Variants in CPLANE1 observed in about 807,000 individuals in gnomAD.
The protein encoded by CPLANE1 is ciliogenesis and planar polarity effector complex subunit 1.
In CPLANE1, 263 loss-of-function variants were observed where a neutral mutation model predicts 362.5. That is an observed-to-expected ratio of 0.73 (90% CI 0.66 to 0.80). The LOEUF is 0.80. CPLANE1 is among the 30% of genes least tolerant of loss of function. The probability of loss-of-function intolerance (pLI) is 0.00; values close to 1 mark genes in which losing one functional copy is unlikely to be tolerated. For missense variants in CPLANE1, 3,461 were observed against 3,793.4 expected, an observed-to-expected ratio of 0.91 and a Z score of 2.30; for synonymous variants, 1,212 against 1,302.6, an observed-to-expected ratio of 0.93 and a Z score of 1.50.
Position 37,125,306 on chromosome 5 carries a change from A to G in CPLANE1, c.8896T>C (p.Leu2966=), listed in dbSNP as rs1016242132. Residue 2966 remains leucine (L), a synonymous_variant, in exon 47 of 53, where the codon TTA becomes CTA. Transcript: ENST00000651892. Reference sequence around the variant, plus strand: ...CCTCTCTTTTCTGCCAGCTCATTTAAGTACTTTGCCATTCTTTCTTTTCGT... The same window carrying G: ...CCTCTCTTTTCTGCCAGCTCATTTAGGTACTTTGCCATTCTTTCTTTTCGT... ...RKRKERMAKY[L]NELAEKRGQE... 6.2e-7 allele frequency: 1 copy of G among 1,614,022 alleles called. No individual in the cohort carries two copies.
chr5:37,144,726 C>G (rs990598114), intron 43 of CPLANE1, among the ~76,000 whole-genome samples: 31 of 151,600 alleles, frequency 2.0e-4, no homozygotes, highest in African/African-American at 7.3e-4. Context: ...TGGCGGGCAC[C>G]TGTAGTCCCA....
At chr5:37,126,056 G>T (rs1048359422) in intron 46 of CPLANE1, among the ~76,000 whole-genome samples, 1 of 152,052 alleles carries the variant, frequency 6.6e-6, no homozygotes, top group Non-Finnish European at 1.5e-5. Flanking sequence ...TGGGCAAGAT[G>T]ATGAGATGTC....
chr5:37,144,210 C>T (rs993102788), intron 43 of CPLANE1, among the ~76,000 whole-genome samples: 20 of 150,228 alleles, frequency 1.3e-4, no homozygotes, highest in African/African-American at 5.0e-4. Context: ...GAGATTGAGA[C>T]CATCCTGGTT....
intron 6 of CPLANE1, among the ~76,000 whole-genome samples, chr5:37,240,920 T>C (rs1372789827): frequency 3.3e-5 from 5 of 152,094 alleles, no homozygotes; most frequent in Non-Finnish European, 7.4e-5. Context: ...ATTTAAAAAG[T>C]AGGTCAGGAG....
downstream of CPLANE1, among the ~76,000 whole-genome samples, chr5:37,104,276 G>T (rs1057306512): frequency 6.6e-6 from 1 of 152,066 alleles, no homozygotes; most frequent in African/African-American, 2.4e-5. Flanking sequence ...GTTTTATCAT[G>T]GTTCTTAGAT....
At chr5:37,213,291 A>G (rs763972471) in intron 16 of CPLANE1, among the ~76,000 whole-genome samples, 2 of 152,220 alleles carry the variant, frequency 1.3e-5, no homozygotes, top group Non-Finnish European at 2.9e-5. Flanking sequence ...AAAAAGAAAT[A>G]ATTAATAAAT....
At chr5:37,171,208 T>C (rs1263118917) in intron 32 of CPLANE1, among the ~76,000 whole-genome samples, 3 of 152,204 alleles carry the variant, frequency 2.0e-5, no homozygotes, top group Non-Finnish European at 2.9e-5. Context: ...GACCAGGTTA[T>C]TTAAATGTCC....
At chr5:37,136,814 C>T (rs548647854) in intron 46 of CPLANE1, among the ~76,000 whole-genome samples, 3 of 152,242 alleles carry the variant, frequency 2.0e-5, no homozygotes, top group Non-Finnish European at 2.9e-5. Flanking sequence ...TGTATCTTGG[C>T]GCCTTCTAGC....
At chr5:37,227,185 T>A in intron 11 of CPLANE1, 58 bp downstream of exon 11, 1 of 1,525,862 alleles carries the variant, frequency 6.6e-7, no homozygotes, top group East Asian at 2.5e-5. Flanking sequence ...AAACAGAATA[T>A]GTTTCTTGGA....
intron 46 of CPLANE1, among the ~76,000 whole-genome samples, chr5:37,137,075 T>C (rs768012779): frequency 6.6e-6 from 1 of 152,234 alleles, no homozygotes; most frequent in Non-Finnish European, 1.5e-5. Context: ...AATGGGTTTT[T>C]CTTTTATATT....
intron 46 of CPLANE1, among the ~76,000 whole-genome samples, chr5:37,132,753 A>C (rs559679415): frequency 1.2e-4 from 19 of 152,092 alleles, no homozygotes; most frequent in Middle Eastern, 6.8e-3. Context: ...TCTGTTGATT[A>C]TTTTGCTGTG....
At chr5:37,124,848 G>GTA in intron 47 of CPLANE1, 1 of 989,284 alleles carries the variant, frequency 1.0e-6, no homozygotes, top group Non-Finnish European at 1.2e-6. Flanking sequence ...TATAAACTAA[G>GTA]TAAGGGAGCA....
At chr5:37,077,606 C>CTTTTTTT in the CPLANE1 span, among the ~76,000 whole-genome samples, 8 of 75,924 alleles carry the variant, frequency 1.1e-4, no homozygotes, top group Non-Finnish European at 1.3e-4. Context: ...GTGTGTGTGT[C>CTTTTTTT]TTTTTTTTTT....
At chr5:37,101,064 A>C in the CPLANE1 span, among the ~76,000 whole-genome samples, 1 of 152,220 alleles carries the variant, frequency 6.6e-6, no homozygotes, top group African/African-American at 2.4e-5. Flanking sequence ...AAACAAAGAT[A>C]ATTTAACTTC....
At chr5:37,158,425 A>C in intron 38 of CPLANE1, 80 bp from the exon 39 acceptor site, 1 of 1,359,628 alleles carries the variant, frequency 7.4e-7, no homozygotes, top group South Asian at 1.5e-5. Context: ...TTGTATGAAC[A>C]AGTTAGCAAC....
intron 38 of CPLANE1, 32 bp downstream of exon 38, chr5:37,162,433 T>A (rs765426687): frequency 7.5e-7 from 1 of 1,338,610 alleles, no homozygotes; most frequent in East Asian, 2.3e-5. Context: ...TCAAAATATA[T>A]GAATTTTTTT....
chr5:37,132,493 C>T (rs1452793915), intron 46 of CPLANE1, among the ~76,000 whole-genome samples: 8 of 151,880 alleles, frequency 5.3e-5, no homozygotes, highest in Non-Finnish European at 8.8e-5. Flanking sequence ...TACAGGCGCC[C>T]GCCACCACGC....
At position 37,107,272 on chromosome 5, in the gene CPLANE1, AAGG is replaced by A; in HGVS notation, c.*327_*329del. ...GTTTCTCAAAACTCAGAGGGTAATA[AAGG>A]AGGAGGCAAGATAGAGGGTTTTTAT... On this transcript the variant is annotated 3_prime_UTR_variant, in exon 53 of 53. Transcript: ENST00000651892. The A allele has an allele frequency of 9.6e-7, 1 of 1,043,678 alleles. No homozygotes were observed. Among genetic ancestry groups the A allele is most frequent in the Non-Finnish European group, 1.2e-6 (1 of 868,794 alleles). 64.7% of individuals were successfully genotyped at this position (1,043,678 alleles called of 1,614,324 possible).
intron 19 of CPLANE1, among the ~76,000 whole-genome samples, chr5:37,199,089 C>CCT (rs1282284848): frequency 7.5e-6 from 1 of 133,462 alleles, no homozygotes; most frequent in Non-Finnish European, 1.6e-5. Context: ...ACAGGGACAC[C>CCT]CTGTCTCAAA....
Sources: gnomAD v4.1 joint callset for allele counts (sites outside exome capture counted in the v4.1 genomes callset) on GRCh38, gnomAD v4.1.1 for gene constraint, MANE v1.5 for transcripts, NCBI Gene and HGNC (gene_info 2026-07-23, HGNC 2026-07-21) for gene names.